Variants in ARHGEF18 observed in about 807,000 individuals in gnomAD.
ARHGEF18 encodes Rho/Rac guanine nucleotide exchange factor 18.
A neutral mutation model predicts 155.7 loss-of-function variants in ARHGEF18; 93 were observed. That is an observed-to-expected ratio of 0.60 (90% confidence interval 0.50 to 0.71). The LOEUF (loss-of-function observed/expected upper bound fraction) is 0.71. ARHGEF18 is among the 30% of genes least tolerant of loss of function. The pLI is 0.00. For missense variants in ARHGEF18, 1,593 were observed against 1,816.1 expected, an observed-to-expected ratio of 0.88 and a Z score of 2.23; for synonymous variants, 742 against 753.1, an observed-to-expected ratio of 0.99 and a Z score of 0.24.
the ARHGEF18 span, among the ~76,000 whole-genome samples, chr19:7,479,018 G>A: frequency 1.3e-5 from 2 of 152,228 alleles, no homozygotes; most frequent in Non-Finnish European, 2.9e-5. Flanking sequence ...CCTCGGCCGT[G>A]GGGTGTGCCG....
At chr19:7,456,296 T>TAA (rs1975822041) in intron 17 of ARHGEF18, 31 bp from the exon 18 acceptor site, 1 of 1,611,070 alleles carries the variant, frequency 6.2e-7, no homozygotes, top group African/African-American at 1.3e-5. Flanking sequence ...ATGGGACTTT[T>TAA]AAGATGCATC....
At chr19:7,358,571 T>TCCAA (rs1969421906) in intron 1 of ARHGEF18, among the ~76,000 whole-genome samples, 1 of 152,170 alleles carries the variant, frequency 6.6e-6, no homozygotes, top group Non-Finnish European at 1.5e-5. Flanking sequence ...CATCCATCCA[T>TCCAA]CCAACCATCT....
chr19:7,403,512 G>A (rs1466668192), intron 10 of ARHGEF18, among the ~76,000 whole-genome samples: 1 of 150,242 alleles, frequency 6.7e-6, no homozygotes, highest in African/African-American at 2.5e-5. Flanking sequence ...CATTTACGTT[G>A]TTGCCTAAAC....
rs906811495 is a variant in ARHGEF18 at position 7,456,880 on chromosome 19, G to A, written c.2181+477G>A. Among the ~76,000 whole-genome samples, 3 of 152,026 alleles carry A rather than the reference G, an allele frequency of 2.0e-5. No individual in the cohort carries two copies. The South Asian group carries it at 6.2e-4, about 32-fold the overall frequency. On this transcript the variant is annotated intron_variant, in intron 18 of 28. Transcript: ENST00000668164. The stretch of plus-strand genomic sequence containing the variant: ...GGCCCACATAGCTGGGATTACAGGC[G>A]CCCGCCACCACGCCTGGCTAATTTT...
At position 7,462,378 on chromosome 19, in the gene ARHGEF18, T is replaced by G. The variant is rs774902086; in HGVS notation, c.2635+44T>G. 6.6e-7 allele frequency: 1 copy of G among 1,525,386 alleles called. No individual in the cohort carries two copies. Among genetic ancestry groups the G allele is most frequent in the Non-Finnish European group, 8.8e-7 (1 of 1,140,132 alleles). 94.5% of individuals were successfully genotyped at this position (1,525,386 alleles called of 1,614,324 possible). ...CCTCAAGGGTGCAGTCTTGCCGGGG[T>G]GGGCTCCTCAGGGAACCCCAGGCCA... On this transcript the variant is annotated intron_variant, in intron 21 of 28. Coordinates refer to ENST00000668164, the MANE Select transcript of ARHGEF18 (RefSeq NM_001367823.1). The surrounding 1 kb of genome is among the most constrained non-coding windows in gnomAD (Gnocchi z 4.4).
the ARHGEF18 span, chr19:7,478,172 A>T: frequency 1.2e-6 from 1 of 847,628 alleles, no homozygotes; most frequent in Non-Finnish European, 1.8e-6. Context: ...AGGTACCGCC[A>T]CCCACCAGAG....
Position 7,384,218 on chromosome 19 carries a change from T to C in ARHGEF18, c.967+1015T>C, listed in dbSNP as rs140735831. On this transcript the variant is annotated intron_variant, in intron 10 of 28. Coordinates refer to ENST00000668164, the MANE Select transcript of ARHGEF18 (RefSeq NM_001367823.1). ...TTCTAAGGGGCTATCCTGTGCATTG[T>C]AGGATATTTAGTAGCATCCCTGGCC... 9.4e-3 allele frequency among the ~76,000 whole-genome samples: 1,426 copies of C among 152,278 alleles called. 27 individuals carry two copies. Among genetic ancestry groups the C allele is most frequent in the African/African-American group, 0.032 (1,347 of 41,560 alleles).
chr19:7,423,067 T>C (rs1170432170), intron 10 of ARHGEF18, among the ~76,000 whole-genome samples: 2 of 152,116 alleles, frequency 1.3e-5, no homozygotes, highest in Non-Finnish European at 2.9e-5. Context: ...TTTGGAAACA[T>C]GGCTCATGGG....
chr19:7,453,633 C>G lies in ARHGEF18; in HGVS notation c.2022C>G (p.Thr674=), dbSNP rs753124600. 2 of 1,612,396 alleles carry G rather than the reference C, an allele frequency of 1.2e-6. No individual in the cohort carries two copies. Among genetic ancestry groups the G allele is most frequent in the Admixed American group, 3.3e-5 (2 of 59,926 alleles). Residue 674 remains threonine (T), a synonymous_variant, in exon 17 of 29, where the codon ACC becomes ACG. Transcript: ENST00000668164. ...KSSSKLKNGL[T]FRKEDMLQRQ... ...CCAGCAAACTCAAGAACGGGCTCAC[C>G]TTCCGCAAGGAAGACATGCTTCAGC...
At chr19:7,368,547 G>A (rs1045234909) in intron 2 of ARHGEF18, among the ~76,000 whole-genome samples, 8 of 152,108 alleles carry the variant, frequency 5.3e-5, no homozygotes, top group Non-Finnish European at 1.2e-4. Flanking sequence ...GGAACAGCCT[G>A]TACTGCCTGG....
chr19:7,366,079 G>A (rs193076261), intron 2 of ARHGEF18, among the ~76,000 whole-genome samples: 195 of 152,296 alleles, frequency 1.3e-3, no homozygotes, highest in African/African-American at 4.5e-3. Flanking sequence ...CTGAGTAGCT[G>A]AGATTACAGG....
chr19:7,418,252 T>G (rs1973130917), intron 10 of ARHGEF18, among the ~76,000 whole-genome samples: 1 of 151,256 alleles, frequency 6.6e-6, no homozygotes, highest in African/African-American at 2.5e-5. Context: ...GTTTGTGGGG[T>G]TTTTTTGTTT....
At chr19:7,441,056 A>C (rs892288916) in intron 11 of ARHGEF18, among the ~76,000 whole-genome samples, 1 of 151,994 alleles carries the variant, frequency 6.6e-6, no homozygotes, top group African/African-American at 2.4e-5. Flanking sequence ...AGTGGGCTCC[A>C]GTGGTCTGTC....
chr19:7,370,015 G>A (rs183531224), intron 2 of ARHGEF18, among the ~76,000 whole-genome samples: 60 of 152,100 alleles, frequency 3.9e-4, no homozygotes, highest in African/African-American at 1.4e-3. Context: ...TCGGCAACAT[G>A]ATGAAACCGT....
chr19:7,403,529 T>TTTTCTTTC lies in ARHGEF18; in HGVS notation c.967+20346_967+20353dup, dbSNP rs374336604. Among the ~76,000 whole-genome samples the TTTTCTTTC allele has an allele frequency of 3.6e-4, 54 of 148,262 alleles. No individual in the cohort carries two copies. In the East Asian group the frequency reaches 6.4e-3, roughly 18 times the overall value. Reference sequence around the variant, plus strand: ...TTTACGTTGTTGCCTAAACTTAGCTTTTTCTTTCTTTCTTTCTTTCTTTCT... The same window carrying TTTTCTTTC: ...TTTACGTTGTTGCCTAAACTTAGCTTTTTCTTTCTTTCTTTCTTTCTTTCTTTCTTTCT... On this transcript the variant is annotated intron_variant, in intron 10 of 28. Coordinates refer to ENST00000668164, the MANE Select transcript of ARHGEF18 (RefSeq NM_001367823.1).
intron 7 of ARHGEF18, among the ~76,000 whole-genome samples, chr19:7,380,562 T>C (rs1165608972): frequency 6.6e-6 from 1 of 151,800 alleles, no homozygotes; most frequent in Non-Finnish European, 1.5e-5. Context: ...CACATGCCTA[T>C]AGTCCCAGCT....
intron 3 of ARHGEF18, 55 bp downstream of exon 3, chr19:7,373,126 G>A (rs565558006): frequency 1.6e-6 from 2 of 1,233,658 alleles, no homozygotes; most frequent in South Asian, 4.1e-5. Context: ...ACAGGGAAGA[G>A]GTCCAGAAGG....
At chr19:7,431,244 C>T (rs1295644753) in intron 10 of ARHGEF18, among the ~76,000 whole-genome samples, 1 of 152,028 alleles carries the variant, frequency 6.6e-6, no homozygotes, top group Non-Finnish European at 1.5e-5. Flanking sequence ...AGGCCGGGCA[C>T]GGTGGCTCAC....
rs370171613 is a variant in ARHGEF18 at position 7,451,246 on chromosome 19, G to A, written c.1835G>A (p.Arg612His). ...ACCAAATACCCAGTGCTGGTGGAGC[G>A]CATCATCCAGAACACGGAAGGTAGG... ...RITKYPVLVE[R>H]IIQNTEAGTE... The change falls in exon 16 of 29, where the codon CGC (arginine) becomes CAC (histidine). Residue 612 changes from arginine (R) to histidine (H), a missense_variant. By Grantham distance (29) the Arg-to-His change is conservative. Transcript: ENST00000668164. The A allele has an allele frequency of 1.8e-5, 29 of 1,612,410 alleles. No individual in the cohort carries two copies. The highest frequency in any genetic ancestry group is 4.5e-5 in the East Asian group (2 of 44,824).
Sources: allele counts gnomAD v4.1 joint callset (sites outside exome capture counted in the v4.1 genomes callset), GRCh38; gene constraint gnomAD v4.1.1; non-coding constraint Gnocchi (gnomAD v3.1); transcripts MANE v1.5; gene names NCBI Gene and HGNC (gene_info 2026-07-23, HGNC 2026-07-21).